The following CCDC171 variants were observed in gnomAD, a reference collection of about 807,000 sequenced individuals.
CCDC171 encodes the protein coiled-coil domain-containing protein 171.
CCDC171 carries 177 observed loss-of-function variants against 168.2 expected under a neutral mutation model. That is an observed-to-expected ratio of 1.05 (90% CI 0.93 to 1.19). CCDC171 has a LOEUF of 1.19. CCDC171 is among the 50% of genes most tolerant of loss of function. The pLI is 0.00. For missense variants in CCDC171, 1,991 were observed against 1,539.0 expected, an observed-to-expected ratio of 1.29 and a Z score of -4.91; for synonymous variants, 687 against 540.8, an observed-to-expected ratio of 1.27 and a Z score of -3.75.
chr9:16,036,889 G>T (rs1301172664), intron 8 of CCDC171, among the ~76,000 whole-genome samples: 4 of 152,206 alleles, frequency 2.6e-5, no homozygotes, highest in Non-Finnish European at 5.9e-5. Flanking sequence ...GAATGAGCCT[G>T]GGGGACATGA....
intron 25 of CCDC171, among the ~76,000 whole-genome samples, chr9:15,935,163 T>C (rs932009536): frequency 6.6e-6 from 1 of 152,116 alleles, no homozygotes; most frequent in African/African-American, 2.4e-5. Context: ...TAGTAAATTT[T>C]GTGTGTATTT....
chr9:15,836,736 T>G (rs1355986002), intron 21 of CCDC171, among the ~76,000 whole-genome samples: 1 of 152,218 alleles, frequency 6.6e-6, no homozygotes, highest in Non-Finnish European at 1.5e-5. Flanking sequence ...CACATTTCAT[T>G]GGTCAAAGCA....
intron 16 of CCDC171, among the ~76,000 whole-genome samples, chr9:15,730,051 G>A (rs4740623): frequency 0.95 from 143,833 of 152,012 alleles, 68,090 homozygotes; most frequent in East Asian, 1. Flanking sequence ...AAATGCATTG[G>A]TCAGTTAATT....
intron 20 of CCDC171, among the ~76,000 whole-genome samples, chr9:15,782,986 A>G (rs934424055): frequency 6.6e-6 from 1 of 152,218 alleles, no homozygotes; most frequent in African/African-American, 2.4e-5. Flanking sequence ...TAGGTAAATC[A>G]TTAGACATCT....
chr9:15,862,733 C>G (rs906386181), intron 23 of CCDC171, among the ~76,000 whole-genome samples: 1 of 152,026 alleles, frequency 6.6e-6, no homozygotes, highest in Non-Finnish European at 1.5e-5. Flanking sequence ...ATGGGGCTCT[C>G]AAACTTCTGT....
the CCDC171 span, among the ~76,000 whole-genome samples, chr9:16,106,121 G>A: frequency 6.6e-6 from 1 of 152,202 alleles, no homozygotes; most frequent in Non-Finnish European, 1.5e-5. Context: ...TCCGGGGACA[G>A]TGGATGTTTT....
intron 25 of CCDC171, among the ~76,000 whole-genome samples, chr9:15,921,412 C>G (rs983019008): frequency 6.6e-6 from 1 of 151,700 alleles, no homozygotes; most frequent in Non-Finnish European, 1.5e-5. Flanking sequence ...TTCCACCTTT[C>G]TTATTTTTTT....
chr9:15,821,196 A>T (rs2059756537), intron 21 of CCDC171, among the ~76,000 whole-genome samples: 1 of 117,628 alleles, frequency 8.5e-6, no homozygotes, highest in Non-Finnish European at 1.9e-5. Context: ...TCAAAATAAT[A>T]AGAGCTATCT....
intron 4 of CCDC171, among the ~76,000 whole-genome samples, chr9:15,590,785 CTTTCTT>C (rs1393781591): frequency 0.014 from 830 of 61,374 alleles, 10 homozygotes; most frequent in East Asian, 0.034. Context: ...TTCTTTCTTT[CTTTCTT>C]TCTTTCTTTC....
intron 4 of CCDC171, among the ~76,000 whole-genome samples, chr9:15,580,949 A>G (rs1055762046): frequency 2.0e-5 from 3 of 152,180 alleles, no homozygotes; most frequent in South Asian, 2.1e-4. Context: ...GGCAAGAGAA[A>G]GAAATAAAGG....
chr9:16,078,915 A>T, the CCDC171 span, among the ~76,000 whole-genome samples: 1 of 152,172 alleles, frequency 6.6e-6, no homozygotes, highest in Non-Finnish European at 1.5e-5. Flanking sequence ...AAGAATGCTG[A>T]ATCAGGAAGG....
chr9:15,965,173 C>G (rs762906646), intron 25 of CCDC171, among the ~76,000 whole-genome samples: 1 of 152,146 alleles, frequency 6.6e-6, no homozygotes, highest in African/African-American at 2.4e-5. Flanking sequence ...TGTGTAAGTT[C>G]CATGAGATCT....
chr9:15,853,236 A>G (rs577612656), intron 23 of CCDC171, among the ~76,000 whole-genome samples: 37 of 151,742 alleles, frequency 2.4e-4, no homozygotes, highest in African/African-American at 8.9e-4. Context: ...ACTTATTTAG[A>G]TCTTCTTTAA....
At chr9:15,655,070 A>G (rs2047821871) in intron 7 of CCDC171, among the ~76,000 whole-genome samples, 2 of 152,128 alleles carry the variant, frequency 1.3e-5, no homozygotes, top group South Asian at 4.1e-4. Context: ...ATTAGGAGAT[A>G]TACCTAATGT....
intron 16 of CCDC171, among the ~76,000 whole-genome samples, chr9:15,736,295 A>ATG (rs1329110157): frequency 6.7e-4 from 102 of 152,296 alleles, no homozygotes; most frequent in Admixed American, 6.7e-3. Flanking sequence ...TTTTATATAT[A>ATG]AAGCAATATC....
intron 24 of CCDC171, 70 bp from the exon 25 acceptor site, chr9:15,920,200 A>G: frequency 1.0e-6 from 1 of 1,004,110 alleles, no homozygotes; most frequent in Non-Finnish European, 1.4e-6. Context: ...TTTTGCTTTC[A>G]AATTATGGAA....
chr9:15,650,010 C>G (rs1271504381), intron 7 of CCDC171, among the ~76,000 whole-genome samples: 2 of 152,044 alleles, frequency 1.3e-5, no homozygotes, highest in Non-Finnish European at 2.9e-5. Context: ...AAATGTCCAA[C>G]CATGATAGAC....
At chr9:15,683,366 C>G (rs1346212035) in intron 10 of CCDC171, among the ~76,000 whole-genome samples, 4 of 151,830 alleles carry the variant, frequency 2.6e-5, no homozygotes, top group Non-Finnish European at 5.9e-5. Context: ...AATATTTTTA[C>G]TTCCAATGAA....
chr9:15,812,024 G>A (rs2059378225), intron 21 of CCDC171, among the ~76,000 whole-genome samples: 1 of 152,172 alleles, frequency 6.6e-6, no homozygotes, highest in South Asian at 2.1e-4. Flanking sequence ...ACGTCTAGGG[G>A]AAATGGTTGG....
Sources: allele counts gnomAD v4.1 joint callset (sites outside exome capture counted in the v4.1 genomes callset), GRCh38; gene constraint gnomAD v4.1.1; transcripts MANE v1.5; gene names NCBI Gene and HGNC (gene_info 2026-07-23, HGNC 2026-07-21).